The following STK32B variants were observed in gnomAD, a reference collection of about 807,000 sequenced individuals.
STK32B encodes the protein serine/threonine kinase 32B, also known as serine/threonine-protein kinase 32B.
In STK32B, 43 loss-of-function variants were observed where a neutral mutation model predicts 52.6. The observed-to-expected ratio is 0.82, with a 90% CI of 0.64 to 1.05. STK32B has a LOEUF of 1.05. Among genes scored for constraint, STK32B ranks in the 50% least tolerant of loss-of-function variants. The pLI is 0.00. For synonymous variants in STK32B, 238 were observed against 204.3 expected (o/e 1.17, Z -1.41); for missense variants, 621 against 534.6 (o/e 1.16, Z -1.59).
upstream of STK32B, among the ~76,000 whole-genome samples, chr4:5,049,716 AG>A (rs1741689151): frequency 1.3e-5 from 2 of 148,680 alleles, no homozygotes; most frequent in Admixed American, 6.8e-5. Context: ...ATGATGGCTT[AG>A]CTTGGGCTCA....
intron 3 of STK32B, among the ~76,000 whole-genome samples, chr4:5,248,114 A>C (rs1170083433): frequency 6.6e-6 from 1 of 152,184 alleles, no homozygotes; most frequent in African/African-American, 2.4e-5. Context: ...CAGGATATGC[A>C]ATTTGCCATA....
intron 5 of STK32B, among the ~76,000 whole-genome samples, chr4:5,415,840 C>T (rs896560315): frequency 2.0e-5 from 3 of 152,042 alleles, no homozygotes; most frequent in African/African-American, 4.8e-5. Flanking sequence ...ATATGTAGTC[C>T]CATGGGCTTC....
chr4:5,145,147 G>A (rs1031000492), intron 2 of STK32B, among the ~76,000 whole-genome samples: 90 of 152,072 alleles, frequency 5.9e-4, no homozygotes, highest in African/African-American at 9.7e-5. Context: ...ATGCAAATAC[G>A]CAGTGAAGGT....
the STK32B span, among the ~76,000 whole-genome samples, chr4:5,020,931 T>C: frequency 6.6e-6 from 1 of 152,154 alleles, no homozygotes; most frequent in African/African-American, 2.4e-5. Context: ...CCTGGAGCTA[T>C]GTCTGGACTT....
At chr4:5,044,103 C>T in the STK32B span, among the ~76,000 whole-genome samples, 1 of 152,150 alleles carries the variant, frequency 6.6e-6, no homozygotes, top group Non-Finnish European at 1.5e-5. Context: ...GGCAGGTATT[C>T]CTTCGCCAAA....
At position 5,386,353 on chromosome 4, in the gene STK32B, T is replaced by A. The variant is rs965817718; in HGVS notation, c.435-11854T>A. On this transcript the variant is annotated intron_variant, in intron 4 of 11. Transcript: ENST00000282908. This position sits in a 1 kb window ranked among gnomAD's most constrained non-coding sequence, Gnocchi z 4.5. ...CCGGCTGGTGTGAGTCCAGAGCCCA[T>A]GCATAGTGCAGGGTGGAAATGGTGG... Among the ~76,000 whole-genome samples the A allele has an allele frequency of 6.6e-6, 1 of 152,084 alleles. No individual in the cohort carries two copies. The highest frequency in any genetic ancestry group is 1.5e-5 in the Non-Finnish European group (1 of 68,026).
chr4:5,445,254 C>T (rs1038417970), intron 6 of STK32B, among the ~76,000 whole-genome samples: 1 of 152,200 alleles, frequency 6.6e-6, no homozygotes. Flanking sequence ...AAGTGTGTAG[C>T]TGCCCAGCCA....
intron 2 of STK32B, among the ~76,000 whole-genome samples, chr4:5,150,807 T>G (rs149685479): frequency 1.4e-4 from 21 of 152,286 alleles, no homozygotes; most frequent in African/African-American, 4.8e-4. Flanking sequence ...TTGCCCATAA[T>G]CTCATGAACA....
chr4:5,317,134 TAA>T lies in STK32B; in HGVS notation c.261-14085_261-14084del, dbSNP rs1185237586. ...AATATATATAATACATTATAATATA[TAA>T]TATATATGTATAATATACATATTAC... On this transcript the variant is annotated intron_variant, in intron 3 of 11. Coordinates refer to ENST00000282908, the MANE Select transcript of STK32B (RefSeq NM_018401.3). 2.9e-4 allele frequency among the ~76,000 whole-genome samples: 12 copies of T among 41,122 alleles called. 1 individual carries two copies. The highest frequency in any genetic ancestry group is 4.2e-4 in the Non-Finnish European group (12 of 28,394). The allele number at this position is 41,122 out of a possible 152,430, so 27.0% of individuals were successfully genotyped here.
chr4:5,253,170 T>C (rs1173887115), intron 3 of STK32B, among the ~76,000 whole-genome samples: 1 of 152,128 alleles, frequency 6.6e-6, no homozygotes, highest in East Asian at 1.9e-4. Context: ...TTGATCCACA[T>C]GCTCTGTTGC....
chr4:5,111,436 A>G (rs934781984), intron 1 of STK32B, among the ~76,000 whole-genome samples: 3 of 152,176 alleles, frequency 2.0e-5, no homozygotes, highest in Non-Finnish European at 4.4e-5. Flanking sequence ...ATACAGCCAT[A>G]AAAAGGAAAA....
At chr4:5,162,664 C>T (rs1325446801) in intron 2 of STK32B, among the ~76,000 whole-genome samples, 2 of 152,182 alleles carry the variant, frequency 1.3e-5, no homozygotes, top group Non-Finnish European at 2.9e-5. Flanking sequence ...GGGTGCTTGC[C>T]TTTCAGTAGC....
In STK32B at chr4:5,060,270, C is replaced by G. The variant is rs76425782; in HGVS notation, c.52+8355C>G. ...TGTGAGCCACTGTGCCCGGCCAGGA[C>G]TGTTATTATTGATAAGTTTCAAGTT... is the stretch of plus-strand genomic sequence containing the variant. On this transcript the variant is annotated intron_variant, in intron 1 of 11. Coordinates refer to ENST00000282908, the MANE Select transcript of STK32B (RefSeq NM_018401.3). Among the ~76,000 whole-genome samples, 231 of 152,282 alleles carry G rather than the reference C, an allele frequency of 1.5e-3. 2 individuals carry two copies. In the East Asian group the frequency reaches 0.028, roughly 19 times the overall value.
the STK32B span, among the ~76,000 whole-genome samples, chr4:5,043,134 A>C: frequency 6.6e-6 from 1 of 151,520 alleles, no homozygotes; most frequent in Non-Finnish European, 1.5e-5. Flanking sequence ...AAAAAAAAAA[A>C]AACCTGTGCA....
chr4:5,394,829 A>C lies in STK32B; in HGVS notation c.435-3378A>C, dbSNP rs1031987441. 6.6e-6 allele frequency among the ~76,000 whole-genome samples: 1 copy of C among 152,218 alleles called. No individual in the cohort carries two copies. Among genetic ancestry groups the C allele is most frequent in the African/African-American group, 2.4e-5 (1 of 41,460 alleles). On this transcript the variant is annotated intron_variant, in intron 4 of 11. Coordinates refer to ENST00000282908, the MANE Select transcript of STK32B (RefSeq NM_018401.3). This position sits in a 1 kb window ranked among gnomAD's most constrained non-coding sequence, Gnocchi z 4.2. ...GTGGCCCAAGATCATATAGCTAGAG[A>C]ATTAGTTTTCTATTGTTGTGAAACT...
chr4:5,332,010 C>T (rs1184331355), intron 4 of STK32B, among the ~76,000 whole-genome samples: 2 of 152,182 alleles, frequency 1.3e-5, no homozygotes, highest in African/African-American at 2.4e-5. Flanking sequence ...TCACTGACCC[C>T]AGAAGAGGCA....
At chr4:5,313,838 G>A (rs1274616130) in intron 3 of STK32B, among the ~76,000 whole-genome samples, 1 of 152,084 alleles carries the variant, frequency 6.6e-6, no homozygotes, top group East Asian at 1.9e-4. Flanking sequence ...CCCATTTACA[G>A]TCATTCCATA....
intron 3 of STK32B, among the ~76,000 whole-genome samples, chr4:5,250,163 G>T (rs1476027770): frequency 6.6e-6 from 1 of 152,126 alleles, no homozygotes; most frequent in Admixed American, 6.5e-5. Context: ...GCTATTGATG[G>T]ACATTTAGTT....
rs1337877136 is a variant in STK32B at position 5,399,105 on chromosome 4, C to T, written c.472+861C>T. On this transcript the variant is annotated intron_variant, in intron 5 of 11. Transcript: ENST00000282908. The surrounding 1 kb of genome is among the most constrained non-coding windows in gnomAD (Gnocchi z 5.4). ...AAGAATGCTCAGTGGACTTGACAAT[C>T]AATTGTGGCTGATGCCAACAGGAGA... Among the ~76,000 whole-genome samples, 1 of 150,596 alleles carries T rather than the reference C, an allele frequency of 6.6e-6. No individual in the cohort carries two copies. The highest frequency in any genetic ancestry group is 1.5e-5 in the Non-Finnish European group (1 of 66,828).
Sources: allele counts gnomAD v4.1 joint callset (sites outside exome capture counted in the v4.1 genomes callset), GRCh38; gene constraint gnomAD v4.1.1; non-coding constraint Gnocchi (gnomAD v3.1); transcripts MANE v1.5; gene names NCBI Gene and HGNC (gene_info 2026-07-23, HGNC 2026-07-21).